The following C4orf50 variants were observed in gnomAD, a reference collection of about 807,000 sequenced individuals.
C4orf50 encodes chromosome 4 open reading frame 50.
In C4orf50, 80 loss-of-function variants were observed where a neutral mutation model predicts 77.2. The ratio of observed to expected loss-of-function variants is 1.04; its 90% CI spans 0.87 to 1.25. C4orf50 has a LOEUF of 1.25. C4orf50 is among the 50% of genes most tolerant of loss of function. The probability of loss-of-function intolerance (pLI) is 0.00; values close to 1 mark genes in which losing one functional copy is unlikely to be tolerated. For synonymous variants in C4orf50, 532 were observed against 465.3 expected, an observed-to-expected ratio of 1.14 and a Z score of -1.84; for missense variants, 1,257 against 1,152.9, an observed-to-expected ratio of 1.09 and a Z score of -1.31.
chr4:5,945,131 C>G (rs1047684226), intron 7 of C4orf50, among the ~76,000 whole-genome samples: 6 of 152,170 alleles, frequency 3.9e-5, no homozygotes, highest in Admixed American at 3.3e-4. Context: ...GAGGGTTTTG[C>G]GGCCCTTCCT....
chr4:5,978,905 C>T (rs1295433958), intron 29 of C4orf50, among the ~76,000 whole-genome samples: 3 of 152,188 alleles, frequency 2.0e-5, no homozygotes, highest in Non-Finnish European at 2.9e-5. Context: ...GACTATGCAG[C>T]CACATGGGCA....
At chr4:6,003,647 GTGATGA>G (rs1243517410) in intron 25 of C4orf50, among the ~76,000 whole-genome samples, 1 of 121,554 alleles carries the variant, frequency 8.2e-6, no homozygotes, top group African/African-American at 2.9e-5. Context: ...TGATGTGATA[GTGATGA>G]TGGTGATGAT....
chr4:5,954,107 C>A (rs13114438), downstream of C4orf50, among the ~76,000 whole-genome samples: 19 of 152,122 alleles, frequency 1.2e-4, no homozygotes, highest in Non-Finnish European at 2.9e-5. This position sits in a 1 kb window ranked among gnomAD's most constrained non-coding sequence, Gnocchi z 4.7. Context: ...CTGGCTCTGC[C>A]TCCCTGGCTC....
chr4:6,002,571 G>A (rs1422621476), intron 25 of C4orf50, among the ~76,000 whole-genome samples: 1 of 152,200 alleles, frequency 6.6e-6, no homozygotes, highest in Non-Finnish European at 1.5e-5. Flanking sequence ...CTTGCCTGCT[G>A]CTGTCACTCT....
At chr4:5,914,219 T>TC (rs1716936099) in intron 7 of C4orf50, among the ~76,000 whole-genome samples, 1 of 147,270 alleles carries the variant, frequency 6.8e-6, no homozygotes, top group African/African-American at 2.5e-5. Flanking sequence ...TTTTTTTTTT[T>TC]TTTTTTTTGG....
chr4:6,003,096 G>C (rs1229846813), intron 25 of C4orf50, among the ~76,000 whole-genome samples: 1 of 152,180 alleles, frequency 6.6e-6, no homozygotes, highest in Non-Finnish European at 1.5e-5. Flanking sequence ...CCTTGGCCCA[G>C]ACAGCCGTCC....
chr4:5,973,923 G>C, intron 30 of C4orf50, 82 bp from the exon 9 acceptor site: 1 of 1,150,294 alleles, frequency 8.7e-7, no homozygotes, highest in Non-Finnish European at 1.2e-6. Flanking sequence ...CGGAGGGTCA[G>C]CTGAGGCCCC....
At chr4:5,921,333 C>A (rs2108737941) in intron 7 of C4orf50, among the ~76,000 whole-genome samples, 1 of 152,336 alleles carries the variant, frequency 6.6e-6, no homozygotes, top group East Asian at 1.9e-4. Context: ...CCAAGAGCTG[C>A]CTCCCAGTCA....
intron 29 of C4orf50, among the ~76,000 whole-genome samples, chr4:5,976,220 C>T (rs186756415): frequency 6.6e-6 from 1 of 151,586 alleles, no homozygotes; most frequent in Non-Finnish European, 1.5e-5. Context: ...CCGAGGTGGG[C>T]GGATCACGAG....
chr4:5,980,173 C>G lies in C4orf50; in HGVS notation c.3864+1G>C. 2.5e-6 allele frequency: 4 copies of G among 1,592,568 alleles called. No homozygotes were observed. Among genetic ancestry groups the G allele is most frequent in the Non-Finnish European group, 3.4e-6 (4 of 1,170,350 alleles). ...GAGGGGAAAGAAAGCACTTCCCACA[C>G]CTTGGCCTGGAGCTCCTCCTGGAGG... On this transcript the variant is annotated splice_donor_variant, in intron 29 of 33. Coordinates refer to ENST00000531445, the Ensembl canonical transcript of C4orf50. LOFTEE classifies it high-confidence loss of function.
chr4:5,954,097 C>G (rs888286915), downstream of C4orf50, among the ~76,000 whole-genome samples: 8 of 152,342 alleles, frequency 5.3e-5, no homozygotes, highest in African/African-American at 1.9e-4. This position sits in a 1 kb window ranked among gnomAD's most constrained non-coding sequence, Gnocchi z 4.7. Context: ...AAGCTAAGAG[C>G]TGGCTCTGCC....
At chr4:5,922,695 T>C (rs912943827) in intron 7 of C4orf50, among the ~76,000 whole-genome samples, 9 of 152,212 alleles carry the variant, frequency 5.9e-5, no homozygotes, top group Non-Finnish European at 1.2e-4. Flanking sequence ...CTCCAGCTCC[T>C]GCATCCATGG....
In C4orf50 at chr4:6,008,089, A is replaced by G. The variant is rs1438192468; in HGVS notation, c.870T>C (p.Ile290=). 1.3e-5 allele frequency: 5 copies of G among 399,048 alleles called. No homozygotes were observed. The highest frequency in any genetic ancestry group is 8.2e-5 in the African/African-American group (4 of 48,636). 24.7% of individuals were successfully genotyped at this position (399,048 alleles called of 1,614,324 possible). ...GGTCCTCCACCTGGCCCTGCAGGCC[A>G]ATCTCTGACAGCTTCAGCCCATAGA... The change falls in exon 25 of 34, where the codon ATT becomes ATC. Residue 290 remains isoleucine (I), a synonymous_variant. Coordinates refer to ENST00000531445, the Ensembl canonical transcript of C4orf50. This position sits in a 1 kb window ranked among gnomAD's most constrained non-coding sequence, Gnocchi z 6.0.
chr4:5,964,920 G>A (rs1419615842), intron 33 of C4orf50, 104 bp downstream of exon 11: 3 of 1,064,284 alleles, frequency 2.8e-6, no homozygotes, highest in Admixed American at 2.3e-5. Context: ...CCTGGTGGTG[G>A]CTTTCTGGGT....
chr4:5,992,353 G>A lies in C4orf50; in HGVS notation c.1221+450C>T, dbSNP rs1409047971. 3.9e-5 allele frequency among the ~76,000 whole-genome samples: 6 copies of A among 152,098 alleles called. No homozygotes were observed. The highest frequency in any genetic ancestry group is 1.9e-4 in the East Asian group (1 of 5,176). ...GTTACGACTGCCTCAGCCTCAGAGCGAGCCATGGGAGGTGAGTTGGGACGC... is the reference window on the plus strand; with the variant it reads ...GTTACGACTGCCTCAGCCTCAGAGCAAGCCATGGGAGGTGAGTTGGGACGC... On this transcript the variant is annotated intron_variant, in intron 27 of 33. Transcript: ENST00000531445. The surrounding 1 kb of genome is among the most constrained non-coding windows in gnomAD (Gnocchi z 5.0).
At chr4:5,906,061 G>T (rs1011071258) in intron 7 of C4orf50, among the ~76,000 whole-genome samples, 1 of 152,250 alleles carries the variant, frequency 6.6e-6, no homozygotes, top group African/African-American at 2.4e-5. Flanking sequence ...AGCAAGAGTT[G>T]GTGTCAGGGT....
At chr4:5,989,669 T>C (rs2108791015) in exon 28 of C4orf50, 1 of 1,536,104 alleles carries the variant, frequency 6.5e-7, no homozygotes, top group East Asian at 2.4e-5. Flanking sequence ...TGTCCTTTGC[T>C]CACAGCCTGT....
At chr4:5,975,825 G>T in intron 30 of C4orf50, 74 bp downstream of exon 8, 2 of 1,190,150 alleles carry the variant, frequency 1.7e-6, no homozygotes, top group Non-Finnish European at 2.5e-6. Flanking sequence ...TGGATTACAT[G>T]TCTAACAGGA....
Position 5,959,216 on chromosome 4 carries a change from A to G in C4orf50, c.*159T>C, listed in dbSNP as rs1719131990. 4 of 843,562 alleles carry G rather than the reference A, an allele frequency of 4.7e-6. No individual in the cohort carries two copies. The South Asian group carries it at 7.0e-5, about 15-fold the overall frequency. The allele number at this position is 843,562 out of a possible 1,614,324, so 52.3% of individuals were successfully genotyped here. ...CAGGCACAGGCCAGCGTTTCTCTCA[A>G]GCTCTGACAATGAACACAAAATCCC... On this transcript the variant is annotated 3_prime_UTR_variant, in exon 34 of 34. Transcript: ENST00000531445.
Sources: gnomAD v4.1 joint callset for allele counts (sites outside exome capture counted in the v4.1 genomes callset) on GRCh38, gnomAD v4.1.1 for gene constraint, Gnocchi (gnomAD v3.1) non-coding constraint, MANE v1.5 for transcripts, NCBI Gene and HGNC (gene_info 2026-07-23, HGNC 2026-07-21) for gene names.